The following MEGF8 variants were observed in gnomAD, a reference collection of about 807,000 sequenced individuals.
MEGF8 encodes the protein multiple EGF like domains 8.
In MEGF8, 156 loss-of-function variants were observed where a neutral mutation model predicts 302.9. That is an observed-to-expected ratio of 0.52 (90% confidence interval 0.45 to 0.59). MEGF8 has a LOEUF of 0.59. MEGF8 is among the 20% of genes least tolerant of loss of function. MEGF8 has a pLI of 0.00. For synonymous variants in MEGF8, 1,621 were observed against 1,660.5 expected, an observed-to-expected ratio of 0.98 and a Z score of 0.58; for missense variants, 3,345 against 3,964.5, an observed-to-expected ratio of 0.84 and a Z score of 4.20.
chr19:42,355,883 C>T lies in MEGF8; in HGVS notation c.4270C>T (p.Gln1424Ter). The T allele has an allele frequency of 6.3e-7, 1 of 1,579,020 alleles. No homozygotes were observed. Among genetic ancestry groups the T allele is most frequent in the Non-Finnish European group, 8.6e-7 (1 of 1,163,014 alleles). ...TCCCGTCCCCCAGGAATGCGTGCCCCAGGACGGTGCTGCAGGTGCGGGGCT... is the reference window on the plus strand; with the variant it reads ...TCCCGTCCCCCAGGAATGCGTGCCCTAGGACGGTGCTGCAGGTGCGGGGCT... ...SCPVPQECVP[Q>*]DGAAGAGLCR... The change falls in exon 24 of 42, where the codon CAG becomes TAG. Residue 1424 changes from glutamine to a stop codon, truncating the protein, a stop_gained. Transcript: ENST00000251268. LOFTEE classifies it high-confidence loss of function.
Position 42,344,436 on chromosome 19 carries a change from C to T in MEGF8, c.1789-5C>T, listed in dbSNP as rs752609842. 41 of 1,582,486 alleles carry T rather than the reference C, an allele frequency of 2.6e-5. No individual in the cohort carries two copies. The highest frequency in any genetic ancestry group is 2.4e-4 in the South Asian group (21 of 89,164). ...AGTGAGCCCTTTCCCCTCTCCTCCT[C>T]GCAGTGTCCAGCCGCCAGCTGCCTG... On this transcript the variant is annotated splice_region_variant and splice_polypyrimidine_tract_variant and intron_variant, in intron 10 of 41. Transcript: ENST00000251268. This position sits in a 1 kb window ranked among gnomAD's most constrained non-coding sequence, Gnocchi z 4.5.
rs1483557251 is a variant in MEGF8 at position 42,356,050 on chromosome 19, CAGGG to C, written c.4393-32_4393-29del. 1 of 1,596,774 alleles carries C rather than the reference CAGGG, an allele frequency of 6.3e-7. No homozygotes were observed. Among genetic ancestry groups the C allele is most frequent in the Non-Finnish European group, 8.6e-7 (1 of 1,168,310 alleles). ...AGTCTGGTGGGACAGGGCTGGTGATCAGGGCTCCCCTGAGTCCCTTGTCATCCCC... is the reference window on the plus strand; with the variant it reads ...AGTCTGGTGGGACAGGGCTGGTGATCCTCCCCTGAGTCCCTTGTCATCCCC... On this transcript the variant is annotated intron_variant, in intron 24 of 41. Transcript: ENST00000251268. The surrounding 1 kb of genome is among the most constrained non-coding windows in gnomAD (Gnocchi z 5.2).
At chr19:42,341,449 A>AC (rs930235916) in intron 8 of MEGF8, among the ~76,000 whole-genome samples, 48 of 151,070 alleles carry the variant, frequency 3.2e-4, no homozygotes, top group Admixed American at 1.9e-3. Context: ...AAAAAAAAAA[A>AC]ACACACATAA....
rs1300710512 is a variant in MEGF8 at position 42,358,418 on chromosome 19, T to A, written c.5175+111T>A. On this transcript the variant is annotated intron_variant, in intron 29 of 41. Transcript: ENST00000251268. This position sits in a 1 kb window ranked among gnomAD's most constrained non-coding sequence, Gnocchi z 4.4. Reference sequence around the variant, plus strand: ...CCAGATTCCTGCTTCCCCTCCTTTCTATGTTCCCTAACTAAGCGACACCCC... The same window carrying A: ...CCAGATTCCTGCTTCCCCTCCTTTCAATGTTCCCTAACTAAGCGACACCCC... 7 of 1,337,220 alleles carry A rather than the reference T, an allele frequency of 5.2e-6. No individual in the cohort carries two copies. Among genetic ancestry groups the A allele is most frequent in the Non-Finnish European group, 7.0e-6 (7 of 997,730 alleles). The allele number at this position is 1,337,220 out of a possible 1,614,324, so 82.8% of individuals were successfully genotyped here. A position where few individuals can be genotyped will look rare whatever the true frequency, so the allele number is the denominator to read the frequency against.
intron 30 of MEGF8, 27 bp from the exon 31 acceptor site, chr19:42,359,071 T>TCCCCCCCCCCC: frequency 2.0e-6 from 3 of 1,504,388 alleles, no homozygotes; most frequent in South Asian, 1.3e-5. Context: ...GGCTGTCCTG[T>TCCCCCCCCCCC]CCCCCCACCC....
At position 42,348,440 on chromosome 19, in the gene MEGF8, CG is replaced by C; in HGVS notation, c.2268del (p.Met757TrpfsTer47). ...GGCCCAGCGCCTACACGTCCTGGCC[CG>C]GATGGCCCGTGGCCCTGACACGGAG... is the stretch of plus-strand genomic sequence containing the variant. ...TRAQRLHVLA[R>X]MARGPDTENM... On this transcript the variant is annotated frameshift_variant, in exon 13 of 42. Transcript: ENST00000251268. LOFTEE classifies it high-confidence loss of function. The C allele has an allele frequency of 6.5e-7, 1 of 1,529,830 alleles. No individual in the cohort carries two copies. The highest frequency in any genetic ancestry group is 8.8e-7 in the Non-Finnish European group (1 of 1,141,234). 94.8% of individuals were successfully genotyped at this position (1,529,830 alleles called of 1,614,324 possible).
In MEGF8 at chr19:42,374,730, T is replaced by C. The variant is rs936839127; in HGVS notation, c.7270-777T>C. Among the ~76,000 whole-genome samples, 5 of 152,302 alleles carry C rather than the reference T, an allele frequency of 3.3e-5. No homozygotes were observed. In the East Asian group the frequency reaches 9.7e-4, roughly 29 times the overall value. ...GTTCTGTCTTTAGGAGTTTGCATTC[T>C]CATGGAGGCATCAGAAATGAACAAA... On this transcript the variant is annotated intron_variant, in intron 41 of 41. Transcript: ENST00000251268.
Position 42,326,446 on chromosome 19 carries a change from T to G in MEGF8, c.187+16T>G. 6.6e-7 allele frequency: 1 copy of G among 1,518,268 alleles called. No individual in the cohort carries two copies. Among genetic ancestry groups the G allele is most frequent in the Non-Finnish European group, 8.8e-7 (1 of 1,139,792 alleles). The allele number at this position is 1,518,268 out of a possible 1,614,324, so 94.0% of individuals were successfully genotyped here. A position where few individuals can be genotyped will look rare whatever the true frequency, so the allele number is the denominator to read the frequency against. On this transcript the variant is annotated intron_variant, in intron 1 of 41. Coordinates refer to ENST00000251268, the MANE Select transcript of MEGF8 (RefSeq NM_001271938.2). The stretch of plus-strand genomic sequence containing the variant: ...CTCATCGAGGGTGAGTGGGGCCGCG[T>G]GGGTCACTCACTAATTCGCTGGTAG...
chr19:42,360,490 T>G (rs2039515904), intron 31 of MEGF8, among the ~76,000 whole-genome samples: 1 of 151,936 alleles, frequency 6.6e-6, no homozygotes, highest in South Asian at 2.1e-4. Context: ...GGGCCACAGG[T>G]GCGCACCACC....
At chr19:42,330,184 C>A (rs889886547) in intron 1 of MEGF8, among the ~76,000 whole-genome samples, 1 of 152,150 alleles carries the variant, frequency 6.6e-6, no homozygotes, top group East Asian at 1.9e-4. Context: ...CTCAAATGAT[C>A]TGCCCTGGGA....
Position 42,337,082 on chromosome 19 carries a change from A to G in MEGF8, c.1391-2A>G. 3 of 1,613,736 alleles carry G rather than the reference A, an allele frequency of 1.9e-6. No individual in the cohort carries two copies. Among genetic ancestry groups the G allele is most frequent in the Non-Finnish European group, 2.5e-6 (3 of 1,179,790 alleles). On this transcript the variant is annotated splice_acceptor_variant, in intron 7 of 41. Transcript: ENST00000251268. LOFTEE classifies it high-confidence loss of function. ...AGCTATGCCCCTTTCCTCCATTCCC[A>G]GGGGGCAATGTGCACACCCATTACC...
At chr19:42,349,835 C>A in intron 14 of MEGF8, 136 bp downstream of exon 14, 1 of 888,234 alleles carries the variant, frequency 1.1e-6, no homozygotes, top group Non-Finnish European at 1.7e-6. Context: ...GGCCTCTGAA[C>A]TCTGGACCTC....
In MEGF8 at chr19:42,376,370, G is replaced by T. The variant is rs370578585; in HGVS notation, c.8133G>T (p.Pro2711=). Residue 2711 remains proline (P), a synonymous_variant, in exon 42 of 42, where the codon CCG becomes CCT. Coordinates refer to ENST00000251268, the MANE Select transcript of MEGF8 (RefSeq NM_001271938.2). This position sits in a 1 kb window ranked among gnomAD's most constrained non-coding sequence, Gnocchi z 8.2. ...TVCFPPDPTA[P]ASAWKPAGLP... is the part of the protein sequence containing the mutation. ...GCTTCCCACCTGACCCTACTGCCCC[G>T]GCCTCCGCCTGGAAGCCGGCTGGGC... 4.3e-6 allele frequency: 7 copies of T among 1,613,292 alleles called. No homozygotes were observed. The highest frequency in any genetic ancestry group is 5.9e-6 in the Non-Finnish European group (7 of 1,179,796).
chr19:42,349,792 C>A, intron 14 of MEGF8, 93 bp downstream of exon 14: 2 of 1,353,228 alleles, frequency 1.5e-6, no homozygotes, highest in Non-Finnish European at 1.0e-6. Flanking sequence ...ACTCTGAAAT[C>A]CCTAGATTCT....
intron 12 of MEGF8, among the ~76,000 whole-genome samples, chr19:42,345,202 C>G (rs1220893639): frequency 2.6e-5 from 4 of 152,216 alleles, no homozygotes; most frequent in African/African-American, 7.2e-5. Context: ...GAGCTCTTGA[C>G]TTTAAATGAT....
chr19:42,331,592 A>G (rs532560505), intron 1 of MEGF8, among the ~76,000 whole-genome samples: 97 of 151,482 alleles, frequency 6.4e-4, no homozygotes, highest in Middle Eastern at 3.4e-3. Context: ...TTTTTGAAAC[A>G]GAGTTTCACT....
rs1405711225 is a variant in MEGF8, at chr19:42,375,735, G to A, written c.7498G>A (p.Val2500Met). 5.6e-6 allele frequency: 9 copies of A among 1,612,298 alleles called. No homozygotes were observed. Among genetic ancestry groups the A allele is most frequent in the Non-Finnish European group, 6.8e-6 (8 of 1,179,514 alleles). Residue 2500 changes from valine (V) to methionine (M), a missense_variant, in exon 42 of 42, where the codon GTG (valine) becomes ATG (methionine). By Grantham distance (21) the Val-to-Met change is conservative. Transcript: ENST00000251268. This position sits in a 1 kb window ranked among gnomAD's most constrained non-coding sequence, Gnocchi z 7.1. ...RLTLDVTFGA[V>M]DLYVSTSYDT... is the part of the protein sequence containing the mutation. ...GACGCTGGACGTGACCTTCGGGGCC[G>A]TGGACCTCTATGTCTCCACCTCCTA...
rs540526339 is a variant in MEGF8 at position 42,329,673 on chromosome 19, A to G, written c.187+3243A>G. Among the ~76,000 whole-genome samples the G allele has an allele frequency of 5.3e-5, 8 of 152,272 alleles. No homozygotes were observed. The East Asian group carries it at 1.5e-3, about 29-fold the overall frequency. Reference sequence around the variant, plus strand: ...GCCCAGGAGTTAGAGACTAGCCTGAACAACATGGTAAGACACTGTCTCTAC... The same window carrying G: ...GCCCAGGAGTTAGAGACTAGCCTGAGCAACATGGTAAGACACTGTCTCTAC... On this transcript the variant is annotated intron_variant, in intron 1 of 41. Coordinates refer to ENST00000251268, the MANE Select transcript of MEGF8 (RefSeq NM_001271938.2).
chr19:42,326,543 A>G, intron 1 of MEGF8, 113 bp downstream of exon 1: 1 of 1,421,106 alleles, frequency 7.0e-7, no homozygotes, highest in Non-Finnish European at 9.2e-7. Context: ...TTTTGCTCTA[A>G]AATGCCTGAC....
Sources: allele counts gnomAD v4.1 joint callset (sites outside exome capture counted in the v4.1 genomes callset), GRCh38; gene constraint gnomAD v4.1.1; non-coding constraint Gnocchi (gnomAD v3.1); transcripts MANE v1.5; gene names NCBI Gene and HGNC (gene_info 2026-07-23, HGNC 2026-07-21).